Variants in BCL9 observed in about 807,000 individuals in gnomAD.
BCL9 encodes the protein BCL9 transcription coactivator, also known as B-cell CLL/lymphoma 9 protein.
BCL9 carries 25 observed loss-of-function variants against 88.5 expected under a neutral mutation model. The ratio of observed to expected loss-of-function variants is 0.28; its 90% CI spans 0.21 to 0.39. The LOEUF (loss-of-function observed/expected upper bound fraction) is 0.39. Among genes scored for constraint, BCL9 ranks in the 10% least tolerant of loss-of-function variants. BCL9 has a pLI of 1.00. For missense variants in BCL9, 1,817 were observed against 1,877.8 expected (o/e 0.97, Z 0.60); for synonymous variants, 711 against 673.3 (o/e 1.06, Z -0.87).
intron 1 of BCL9, among the ~76,000 whole-genome samples, chr1:147,582,129 A>G (rs1417331988): frequency 5.3e-5 from 8 of 152,230 alleles, no homozygotes; most frequent in African/African-American, 1.9e-4. Flanking sequence ...CAAAATTGGG[A>G]TAAGACCATG....
chr1:147,597,402 C>T lies in BCL9; in HGVS notation c.-477-7375C>T, dbSNP rs375571029. ...AGCAAATTTCAGTAAGTGAGAAAAT[C>T]AAAACCAAGTCTCTTTAGCATCAAA... On this transcript the variant is annotated intron_variant, in intron 1 of 9. Coordinates refer to ENST00000234739, the MANE Select transcript of BCL9 (RefSeq NM_004326.4). Among the ~76,000 whole-genome samples the T allele has an allele frequency of 4.5e-4, 69 of 152,282 alleles. No individual in the cohort carries two copies. The South Asian group carries it at 0.013, about 28-fold the overall frequency.
intron 1 of BCL9, among the ~76,000 whole-genome samples, 196 bp from the exon 2 acceptor site, chr1:147,604,581 C>T (rs114885218): frequency 1.3e-5 from 2 of 152,300 alleles, no homozygotes; most frequent in East Asian, 1.9e-4. Context: ...ATTTGGGCTG[C>T]AGTGACCCTA....
chr1:147,596,731 T>C (rs1028564494), intron 1 of BCL9, among the ~76,000 whole-genome samples: 3 of 152,224 alleles, frequency 2.0e-5, no homozygotes, highest in Non-Finnish European at 4.4e-5. Flanking sequence ...ACTGACTTTC[T>C]AATGGTTAGA....
intron 1 of BCL9, among the ~76,000 whole-genome samples, chr1:147,591,622 A>C (rs1219530603): frequency 6.6e-6 from 1 of 152,170 alleles, no homozygotes; most frequent in Non-Finnish European, 1.5e-5. Context: ...TTTGTTTCTA[A>C]TAACCTTTAC....
intron 1 of BCL9, among the ~76,000 whole-genome samples, chr1:147,575,318 T>G (rs1213874560): frequency 1.3e-5 from 2 of 152,198 alleles, no homozygotes; most frequent in African/African-American, 4.8e-5. Context: ...CTCCTTGTAA[T>G]TTTCCTTCAT....
rs782041474 is a variant in BCL9, at chr1:147,620,868, A to G, written c.2713A>G (p.Ile905Val). 32 of 1,613,920 alleles carry G rather than the reference A, an allele frequency of 2.0e-5. No homozygotes were observed. The African/African-American group carries it at 2.3e-4, about 11-fold the overall frequency. Reference sequence around the variant, plus strand: ...GGCGGGCCCAGCTGCTGCTGCTTCCATTAAGTCCCCCCCTGTTTTGGGGTC... The same window carrying G: ...GGCGGGCCCAGCTGCTGCTGCTTCCGTTAAGTCCCCCCCTGTTTTGGGGTC... ...MLAGPAAAAS[I>V]KSPPVLGSAA... Residue 905 changes from isoleucine (I) to valine (V), a missense_variant, in exon 8 of 10, where the codon ATT (isoleucine) becomes GTT (valine). Around this residue, in one of 2 missense-constraint regions of BCL9, gnomAD observed 1,228 missense variants for 1,191.6 expected, o/e 1.03. Coordinates refer to ENST00000234739, the MANE Select transcript of BCL9 (RefSeq NM_004326.4).
chr1:147,617,593 A>G (rs1658353705), intron 7 of BCL9, among the ~76,000 whole-genome samples: 1 of 152,242 alleles, frequency 6.6e-6, no homozygotes, highest in African/African-American at 2.4e-5. Flanking sequence ...ATTTATATAT[A>G]TATTCACAGA....
At chr1:147,586,653 G>T (rs1656614753) in intron 1 of BCL9, among the ~76,000 whole-genome samples, 1 of 152,090 alleles carries the variant, frequency 6.6e-6, no homozygotes, top group Non-Finnish European at 1.5e-5. Context: ...CCCAGTGCTC[G>T]GGACCCTATG....
At chr1:147,616,632 T>C (rs1178566345) in intron 7 of BCL9, among the ~76,000 whole-genome samples, 1 of 152,114 alleles carries the variant, frequency 6.6e-6, no homozygotes, top group Non-Finnish European at 1.5e-5. Flanking sequence ...CCGGGCATGC[T>C]GGCGGGTGCC....
chr1:147,584,934 T>G (rs1656534306), intron 1 of BCL9, among the ~76,000 whole-genome samples: 1 of 152,174 alleles, frequency 6.6e-6, no homozygotes, highest in African/African-American at 2.4e-5. Flanking sequence ...GGTTGGAGGT[T>G]TTCTGGCCAA....
chr1:147,569,378 C>A (rs902196832), intron 1 of BCL9, among the ~76,000 whole-genome samples: 7 of 150,790 alleles, frequency 4.6e-5, no homozygotes, highest in Admixed American at 3.3e-4. Context: ...CCTGTAATCC[C>A]GGTACTTTGG....
chr1:147,549,257 A>C (rs1654776488), intron 1 of BCL9, among the ~76,000 whole-genome samples: 1 of 152,082 alleles, frequency 6.6e-6, no homozygotes, highest in Non-Finnish European at 1.5e-5. Context: ...GATTACAGGC[A>C]TGAGCCACTG....
In BCL9 at chr1:147,550,646, G is replaced by A. The variant is rs1174071935; in HGVS notation, c.-478+8972G>A. ...TTGGGGACCAGGATGAGGATAAATA[G>A]AAGCATTAAACTCCATAGGGAGCTT... On this transcript the variant is annotated intron_variant, in intron 1 of 9. Transcript: ENST00000234739. Among the ~76,000 whole-genome samples, 6 of 152,208 alleles carry A rather than the reference G, an allele frequency of 3.9e-5. No homozygotes were observed. In the East Asian group the frequency reaches 5.8e-4, roughly 15 times the overall value.
intron 1 of BCL9, among the ~76,000 whole-genome samples, chr1:147,593,497 C>G (rs372993360): frequency 6.6e-5 from 10 of 152,264 alleles, no homozygotes; most frequent in Admixed American, 4.6e-4. Context: ...GCCCAAAACA[C>G]TTGGTATTTA....
intron 1 of BCL9, among the ~76,000 whole-genome samples, chr1:147,574,472 G>T (rs587753984): frequency 3.0e-4 from 45 of 152,276 alleles, no homozygotes; most frequent in African/African-American, 1.0e-3. Context: ...TCAGGGGAAG[G>T]TGTTTTATTT....
intron 1 of BCL9, among the ~76,000 whole-genome samples, chr1:147,541,974 A>T (rs1654341975): frequency 6.6e-6 from 1 of 151,928 alleles, no homozygotes; most frequent in Non-Finnish European, 1.5e-5. Context: ...CGAGAGAGGG[A>T]AGCCTGGAAA....
rs1252007663 is a variant in BCL9 at position 147,608,342 on chromosome 1, T to TTTTA, written c.-260+1479_-260+1480insATTT. 5.5e-5 allele frequency among the ~76,000 whole-genome samples: 8 copies of TTTTA among 146,672 alleles called. 1 individual carries two copies. The highest frequency in any genetic ancestry group is 2.0e-4 in the African/African-American group (8 of 39,648). On this transcript the variant is annotated intron_variant, in intron 3 of 9. Transcript: ENST00000234739. ...GGGTTTTGTTTTGCTTTTTTTTTTTTTTTTTTTTAGCACGGAAAGATTCTA... is the reference window on the plus strand; with the variant it reads ...GGGTTTTGTTTTGCTTTTTTTTTTTTTTTATTTTTTTTAGCACGGAAAGATTCTA...
At chr1:147,555,105 C>G (rs1328895592) in intron 1 of BCL9, among the ~76,000 whole-genome samples, 1 of 152,146 alleles carries the variant, frequency 6.6e-6, no homozygotes, top group Admixed American at 6.5e-5. Flanking sequence ...ATCTTCACAG[C>G]AGCCCCTTGA....
In BCL9 at chr1:147,612,986, G is replaced by T; in HGVS notation, c.157G>T (p.Gly53Trp). 1.2e-6 allele frequency: 2 copies of T among 1,610,582 alleles called. No individual in the cohort carries two copies. The highest frequency in any genetic ancestry group is 1.7e-6 in the Non-Finnish European group (2 of 1,178,376). ...DSKFSNQGKQGGSASQSQPSP... is the reference protein window; with the variant it reads ...DSKFSNQGKQWGSASQSQPSP... ...CAAATTCTCCAATCAGGGTAAACAGGGGGGCTCAGCCAGCCAATCCCAGCC... is the reference window on the plus strand; with the variant it reads ...CAAATTCTCCAATCAGGGTAAACAGTGGGGCTCAGCCAGCCAATCCCAGCC... The change falls in exon 5 of 10, where the codon GGG (glycine) becomes TGG (tryptophan). Residue 53 changes from glycine to tryptophan, a missense_variant. By Grantham distance (184) the Gly-to-Trp change is radical (BLOSUM62 -2). This residue lies in a region of BCL9 where 1,228 missense variants were observed against 1,191.6 expected (regional missense o/e 1.03). Transcript: ENST00000234739.
Sources: allele counts gnomAD v4.1 joint callset (sites outside exome capture counted in the v4.1 genomes callset), GRCh38; gene constraint gnomAD v4.1.1; regional missense constraint gnomAD v4.1.1; transcripts MANE v1.5; gene names NCBI Gene and HGNC (gene_info 2026-07-23, HGNC 2026-07-21).